The following SLC25A12 variants were observed in gnomAD, a reference collection of about 807,000 sequenced individuals.
SLC25A12 encodes the protein electrogenic aspartate/glutamate antiporter SLC25A12, mitochondrial.
In SLC25A12, 32 loss-of-function variants were observed where a neutral mutation model predicts 83.3. The observed-to-expected ratio is 0.38, with a 90% CI of 0.29 to 0.52. SLC25A12 has a LOEUF of 0.52. Among genes scored for constraint, SLC25A12 ranks in the 20% least tolerant of loss-of-function variants. The probability of loss-of-function intolerance (pLI) is 0.84; values close to 1 mark genes in which losing one functional copy is unlikely to be tolerated. For synonymous variants in SLC25A12, 267 were observed against 291.1 expected, an observed-to-expected ratio of 0.92 and a Z score of 0.84; for missense variants, 611 against 835.6, an observed-to-expected ratio of 0.73 and a Z score of 3.31.
At chr2:171,858,063 C>T (rs921480460) in intron 3 of SLC25A12, among the ~76,000 whole-genome samples, 4 of 152,006 alleles carry the variant, frequency 2.6e-5, no homozygotes, top group African/African-American at 9.7e-5. Context: ...ACAAAGCCAG[C>T]ATATACTAGA....
Position 171,785,389 on chromosome 2 carries a change from A to G in SLC25A12, c.1922T>C (p.Leu641Pro), listed in dbSNP as rs1440456224. The G allele has an allele frequency of 1.2e-6, 2 of 1,614,076 alleles. No homozygotes were observed. Among genetic ancestry groups the G allele is most frequent in the African/African-American group, 2.7e-5 (2 of 74,910 alleles). ...GATGCCTGCAAACGTGGCTGTGGCG[A>G]GTCTGTATCCACCGATGTGATCAGG... is the stretch of plus-strand genomic sequence containing the variant. ...ANPDHIGGYR[L>P]ATATFAGIEN... is the part of the protein sequence containing the mutation. Residue 641 changes from leucine to proline, a missense_variant, in exon 18 of 18, where the codon CTC (leucine) becomes CCC (proline). Coordinates refer to ENST00000422440, the MANE Select transcript of SLC25A12 (RefSeq NM_003705.5).
At chr2:171,834,236 G>A in intron 7 of SLC25A12, 180 bp from the exon 8 acceptor site, 26 of 544,264 alleles carry the variant, frequency 4.8e-5, no homozygotes, top group South Asian at 1.8e-4. Context: ...TCTGAAGGCT[G>A]GTAAAAGATA....
At chr2:171,814,769 T>G (rs1184150568) in intron 10 of SLC25A12, among the ~76,000 whole-genome samples, 1 of 152,180 alleles carries the variant, frequency 6.6e-6, no homozygotes, top group African/African-American at 2.4e-5. Context: ...CTGCGTTAGT[T>G]TGCTAAGGAT....
intron 2 of SLC25A12, among the ~76,000 whole-genome samples, chr2:171,880,505 T>C (rs1485884677): frequency 2.0e-5 from 3 of 152,192 alleles, no homozygotes; most frequent in African/African-American, 4.8e-5. Context: ...CTCGAACTCC[T>C]GACCTCAAGT....
chr2:171,849,317 C>T (rs1684864739), intron 4 of SLC25A12, among the ~76,000 whole-genome samples: 5 of 149,706 alleles, frequency 3.3e-5, no homozygotes, highest in African/African-American at 2.4e-5. Flanking sequence ...ACCTTGAACT[C>T]TTAAGCTACT....
chr2:171,855,188 A>G (rs1054569442), intron 4 of SLC25A12, among the ~76,000 whole-genome samples: 7 of 152,240 alleles, frequency 4.6e-5, no homozygotes, highest in African/African-American at 1.7e-4. Context: ...TAATTTCTGT[A>G]AAAAAGTATC....
chr2:171,799,395 A>T (rs1683663699), intron 13 of SLC25A12, among the ~76,000 whole-genome samples: 1 of 152,164 alleles, frequency 6.6e-6, no homozygotes, highest in Admixed American at 6.5e-5. Context: ...ATTCCTGGGG[A>T]TGAGAGGTGG....
At chr2:171,843,775 G>A (rs1374706272) in intron 5 of SLC25A12, among the ~76,000 whole-genome samples, 1 of 150,222 alleles carries the variant, frequency 6.7e-6, no homozygotes, top group Non-Finnish European at 1.5e-5. Context: ...AGAGGGAGAG[G>A]AGAGAGGTGA....
intron 2 of SLC25A12, among the ~76,000 whole-genome samples, chr2:171,883,553 C>G: frequency 6.6e-6 from 1 of 152,200 alleles, no homozygotes. Flanking sequence ...CCTGTAATCC[C>G]AGTACTTTGG....
intron 5 of SLC25A12, among the ~76,000 whole-genome samples, chr2:171,843,040 T>TA (rs1237809045): frequency 6.6e-6 from 1 of 152,036 alleles, no homozygotes; most frequent in Admixed American, 6.6e-5. Flanking sequence ...AGGCTGGTCT[T>TA]AAAGTCCTGA....
intron 10 of SLC25A12, 104 bp downstream of exon 10, chr2:171,815,017 G>T: frequency 1.1e-6 from 1 of 912,052 alleles, no homozygotes; most frequent in South Asian, 1.3e-5. Flanking sequence ...CTGAAGTCGT[G>T]ACCCATGGGA....
intron 13 of SLC25A12, among the ~76,000 whole-genome samples, chr2:171,799,909 T>C (rs1236827392): frequency 6.6e-6 from 1 of 152,198 alleles, no homozygotes; most frequent in Non-Finnish European, 1.5e-5. Context: ...CACTCAGGAG[T>C]ATATACTCTC....
At chr2:171,822,261 G>A (rs1684208383) in intron 9 of SLC25A12, among the ~76,000 whole-genome samples, 1 of 152,160 alleles carries the variant, frequency 6.6e-6, no homozygotes, top group African/African-American at 2.4e-5. Context: ...TTTGATAACA[G>A]TAATAAGCAC....
intron 3 of SLC25A12, among the ~76,000 whole-genome samples, chr2:171,868,333 GAC>G (rs1390365114): frequency 3.9e-5 from 4 of 103,654 alleles, no homozygotes; most frequent in Admixed American, 2.3e-4. Flanking sequence ...TTTTTTTTGA[GAC>G]AGAGTTTCGC....
chr2:171,834,237 G>A (rs1248008827), intron 7 of SLC25A12, 181 bp from the exon 8 acceptor site: 7 of 553,440 alleles, frequency 1.3e-5, no homozygotes, highest in Non-Finnish European at 1.3e-5. Flanking sequence ...CTGAAGGCTG[G>A]TAAAAGATAA....
chr2:171,839,570 C>T (rs1474403516), intron 5 of SLC25A12, among the ~76,000 whole-genome samples: 2 of 152,064 alleles, frequency 1.3e-5, no homozygotes, highest in African/African-American at 4.8e-5. Flanking sequence ...TTTAACTCCA[C>T]CGTCTTCCAA....
intron 4 of SLC25A12, among the ~76,000 whole-genome samples, chr2:171,846,760 T>A (rs1684805590): frequency 6.6e-6 from 1 of 152,026 alleles, no homozygotes; most frequent in African/African-American, 2.4e-5. Flanking sequence ...GAGCCAAGAT[T>A]GCGCCACTGC....
Position 171,828,306 on chromosome 2 carries a change from G to T in SLC25A12, c.846-1424C>A, listed in dbSNP as rs149118566. 4.6e-5 allele frequency among the ~76,000 whole-genome samples: 7 copies of T among 152,202 alleles called. No homozygotes were observed. In the East Asian group the frequency reaches 7.7e-4, roughly 17 times the overall value. ...AAAGTCCCTAATCCCTACATGTGAC[G>T]AAATTGGCAGTGGCAGCTCTTCCAG... is the stretch of plus-strand genomic sequence containing the variant. On this transcript the variant is annotated intron_variant, in intron 8 of 17. Transcript: ENST00000422440.
intron 2 of SLC25A12, among the ~76,000 whole-genome samples, chr2:171,877,456 G>A (rs1007225101): frequency 3.9e-5 from 6 of 152,040 alleles, no homozygotes; most frequent in East Asian, 1.9e-4. Context: ...CACGAGCTCA[G>A]GAGTTTGAGA....
Sources: gnomAD v4.1 joint callset for allele counts (sites outside exome capture counted in the v4.1 genomes callset) on GRCh38, gnomAD v4.1.1 for gene constraint, MANE v1.5 for transcripts, NCBI Gene and HGNC (gene_info 2026-07-23, HGNC 2026-07-21) for gene names.